Variants in KSR1 observed in about 807,000 individuals in gnomAD.
The protein encoded by KSR1 is kinase suppressor of ras.
In KSR1, 35 loss-of-function variants were observed where a neutral mutation model predicts 92.9. The observed-to-expected ratio is 0.38, with a 90% CI of 0.29 to 0.50. KSR1 has a LOEUF of 0.50. Among genes scored for constraint, KSR1 ranks in the 20% least tolerant of loss-of-function variants. The pLI, the probability that KSR1 is intolerant of heterozygous loss-of-function variation, is 0.94. For missense variants in KSR1, 972 were observed against 1,158.5 expected (o/e 0.84, Z 2.34); for synonymous variants, 467 against 472.6 (o/e 0.99, Z 0.15).
intron 1 of KSR1, among the ~76,000 whole-genome samples, chr17:27,505,310 A>C (rs181223024): frequency 1.3e-5 from 2 of 152,280 alleles, no homozygotes; most frequent in Non-Finnish European, 1.5e-5. Flanking sequence ...TGCCCCTGAG[A>C]TGGCCATCCC....
chr17:27,484,167 G>C (rs1302255881), intron 1 of KSR1, among the ~76,000 whole-genome samples: 2 of 152,214 alleles, frequency 1.3e-5, no homozygotes, highest in Non-Finnish European at 2.9e-5. Context: ...GCTCCAGTGG[G>C]GAGCCGCCCT....
chr17:27,491,853 C>T (rs2068842100), intron 1 of KSR1, among the ~76,000 whole-genome samples: 1 of 152,154 alleles, frequency 6.6e-6, no homozygotes, highest in Non-Finnish European at 1.5e-5. Context: ...AGGCCCCTTG[C>T]TCCTGCCTTG....
At chr17:27,496,102 A>G (rs1180452379) in intron 1 of KSR1, among the ~76,000 whole-genome samples, 1 of 152,228 alleles carries the variant, frequency 6.6e-6, no homozygotes, top group Non-Finnish European at 1.5e-5. Flanking sequence ...GCCCAGCATT[A>G]TGAATCTCTT....
At chr17:27,599,998 A>G (rs1323852923) in intron 10 of KSR1, among the ~76,000 whole-genome samples, 1 of 152,024 alleles carries the variant, frequency 6.6e-6, no homozygotes, top group Non-Finnish European at 1.5e-5. Flanking sequence ...TCTTCGGGGC[A>G]GTGACATACA....
At chr17:27,526,924 G>T in intron 1 of KSR1, 1 of 615,116 alleles carries the variant, frequency 1.6e-6, no homozygotes, top group East Asian at 2.7e-5. Context: ...TTACTCAGGA[G>T]GGGGCTGACG....
chr17:27,601,531 C>G, intron 11 of KSR1, 130 bp downstream of exon 11: 1 of 761,130 alleles, frequency 1.3e-6, no homozygotes. Context: ...GTTCTGAGAG[C>G]TGACTGCCCA....
chr17:27,590,683 AG>A (rs1322566599), intron 6 of KSR1, 127 bp from the exon 7 acceptor site: 2 of 760,764 alleles, frequency 2.6e-6, no homozygotes, highest in East Asian at 5.4e-5. Flanking sequence ...CCTCTCTGGG[AG>A]GGGGCCAAGG....
intron 1 of KSR1, among the ~76,000 whole-genome samples, chr17:27,533,473 T>G (rs1382971606): frequency 6.6e-6 from 1 of 151,510 alleles, no homozygotes; most frequent in African/African-American, 2.4e-5. Context: ...AACCTCTGCC[T>G]CCCGGGTTCA....
At chr17:27,507,008 C>T (rs1431749453) in intron 1 of KSR1, among the ~76,000 whole-genome samples, 1 of 152,220 alleles carries the variant, frequency 6.6e-6, no homozygotes, top group Non-Finnish European at 1.5e-5. Flanking sequence ...AATGTTCATT[C>T]TGCTTTTTCC....
chr17:27,460,659 G>T (rs1442992667), intron 1 of KSR1, among the ~76,000 whole-genome samples: 9 of 152,178 alleles, frequency 5.9e-5, no homozygotes, highest in Non-Finnish European at 1.0e-4. Context: ...CATCTGGAAG[G>T]TCAGAGAGGC....
At chr17:27,463,355 A>G (rs7210693) in intron 1 of KSR1, among the ~76,000 whole-genome samples, 65,310 of 151,670 alleles carry the variant, frequency 0.43, 14,424 homozygotes, top group South Asian at 0.63. Flanking sequence ...CAAGAAATAG[A>G]AAATTAGCCA....
intron 2 of KSR1, among the ~76,000 whole-genome samples, chr17:27,575,634 C>T (rs755226789): frequency 1.3e-5 from 2 of 152,136 alleles, no homozygotes; most frequent in African/African-American, 2.4e-5. Flanking sequence ...TCATTTTACC[C>T]AGCCCCTATT....
intron 20 of KSR1, 161 bp from the exon 21 acceptor site, chr17:27,623,153 G>GT: frequency 1.5e-6 from 1 of 658,812 alleles, no homozygotes; most frequent in East Asian, 2.7e-5. Flanking sequence ...CTTGGACGCA[G>GT]TATGACCAGG....
intron 4 of KSR1, among the ~76,000 whole-genome samples, chr17:27,583,584 A>G (rs966260816): frequency 3.9e-5 from 6 of 152,192 alleles, no homozygotes; most frequent in African/African-American, 1.4e-4. Flanking sequence ...TCCTGGCCCA[A>G]CCTGAACAGG....
At chr17:27,603,727 C>T (rs971398657) in intron 11 of KSR1, 107 bp from the exon 12 acceptor site, 48 of 1,126,244 alleles carry the variant, frequency 4.3e-5, no homozygotes, top group Non-Finnish European at 6.1e-5. Context: ...TGGCAGTCCA[C>T]TCAGGGGAAA....
At chr17:27,468,101 G>A (rs1355993206) in intron 1 of KSR1, among the ~76,000 whole-genome samples, 2 of 151,850 alleles carry the variant, frequency 1.3e-5, no homozygotes, top group Non-Finnish European at 2.9e-5. Flanking sequence ...ACAGGCGTGA[G>A]CCACTGCGCC....
At chr17:27,555,846 G>C (rs1287725890) in intron 2 of KSR1, among the ~76,000 whole-genome samples, 1 of 152,174 alleles carries the variant, frequency 6.6e-6, no homozygotes, top group Non-Finnish European at 1.5e-5. Context: ...GGTTTTATTA[G>C]AAGAGATGTG....
intron 1 of KSR1, among the ~76,000 whole-genome samples, chr17:27,525,977 G>A (rs555444496): frequency 4.2e-4 from 37 of 87,584 alleles, no homozygotes; most frequent in African/African-American, 1.3e-3. Flanking sequence ...AGATCTGTTC[G>A]GTAACTGCAA....
intron 1 of KSR1, among the ~76,000 whole-genome samples, chr17:27,482,760 C>T (rs1428256570): frequency 6.6e-6 from 1 of 152,094 alleles, no homozygotes; most frequent in African/African-American, 2.4e-5. Context: ...AACAGTATGA[C>T]CCCAGTTAAT....
Sources: allele counts gnomAD v4.1 joint callset (sites outside exome capture counted in the v4.1 genomes callset), GRCh38; gene constraint gnomAD v4.1.1; transcripts MANE v1.5; gene names NCBI Gene and HGNC (gene_info 2026-07-23, HGNC 2026-07-21).